The following BTNL3 variants were observed in gnomAD, a reference collection of about 807,000 sequenced individuals.
The protein encoded by BTNL3 is butyrophilin-like protein 3.
A neutral mutation model predicts 40.1 loss-of-function variants in BTNL3; 20 were observed. The observed-to-expected ratio is 0.50, with a 90% CI of 0.35 to 0.72. The LOEUF is 0.72. Among genes scored for constraint, BTNL3 ranks in the 30% least tolerant of loss-of-function variants. BTNL3 has a pLI of 0.01. For synonymous variants in BTNL3, 179 were observed against 222.1 expected, an observed-to-expected ratio of 0.81 and a Z score of 1.73; for missense variants, 449 against 582.2, an observed-to-expected ratio of 0.77 and a Z score of 2.35.
rs1435601214 is a variant in BTNL3 at position 180,997,136 on chromosome 5, G to T, written c.398-77G>T. The T allele has an allele frequency of 6.9e-6, 10 of 1,449,724 alleles. 3 individuals are homozygous for T. Among genetic ancestry groups the T allele is most frequent in the Non-Finnish European group, 9.5e-6 (10 of 1,051,810 alleles). The allele number at this position is 1,449,724 out of a possible 1,614,324, so 89.8% of individuals were successfully genotyped here. ...GGATGTATGTGTGTTATGGGTACAG[G>T]CTTGATGAACCAGACTCAAAATGCT... On this transcript the variant is annotated intron_variant, in intron 2 of 7. Coordinates refer to ENST00000342868, the MANE Select transcript of BTNL3 (RefSeq NM_197975.3).
rs111323993 is a variant in BTNL3, at chr5:181,004,009, A to C, written c.808+133A>C. ...GGCAGGTGGAGGGGAGCAGCTGCTC[A>C]CTCTCTCCATCCACTGCTCATGAGT... On this transcript the variant is annotated intron_variant, in intron 5 of 7. Coordinates refer to ENST00000342868, the MANE Select transcript of BTNL3 (RefSeq NM_197975.3). The C allele has an allele frequency of 5.7e-6, 8 of 1,403,940 alleles. 1 individual carries two copies. The highest frequency in any genetic ancestry group is 7.9e-6 in the Non-Finnish European group (8 of 1,009,086). 87.0% of individuals were successfully genotyped at this position (1,403,940 alleles called of 1,614,324 possible). A position where few individuals can be genotyped will look rare whatever the true frequency, so the allele number is the denominator to read the frequency against.
rs985605546 is a variant in BTNL3, at chr5:180,999,321, G to C, written c.673+1833G>C. On this transcript the variant is annotated intron_variant, in intron 3 of 7. Transcript: ENST00000342868. ...TACATCTAAAGTTAGACGGTTCGAA[G>C]TGTTATTAAAATAGATAAACTGGCA... Among the ~76,000 whole-genome samples the C allele has an allele frequency of 7.3e-5, 10 of 136,454 alleles. 2 individuals are homozygous for C. In the South Asian group the frequency reaches 1.1e-3, roughly 15 times the overall value. 89.5% of individuals were successfully genotyped at this position (136,454 alleles called of 152,430 possible).
Position 181,006,141 on chromosome 5 carries a change from A to T in BTNL3, c.*269A>T. On this transcript the variant is annotated 3_prime_UTR_variant, in exon 8 of 8. Coordinates refer to ENST00000342868, the MANE Select transcript of BTNL3 (RefSeq NM_197975.3). ...AGTGGGGACGGAATAGACTCACATT[A>T]GGTTTAGTTTGTGAAAACTCCATCC... 1 of 445,606 alleles carries T rather than the reference A, an allele frequency of 2.2e-6. No homozygotes were observed. The allele number at this position is 445,606 out of a possible 1,614,324, so 27.6% of individuals were successfully genotyped here.
chr5:181,001,500 T>TC lies in BTNL3; in HGVS notation c.674-1172_674-1171insC, dbSNP rs566492732. On this transcript the variant is annotated intron_variant, in intron 3 of 7. Transcript: ENST00000342868. ...TTTTAATTTTAAATATTTTTATAGA[T>TC]GGGGGGGGGTCTCACTTTGTTGCCT... Among the ~76,000 whole-genome samples the TC allele has an allele frequency of 3.3e-4, 38 of 116,328 alleles. 8 individuals are homozygous for TC. The highest frequency in any genetic ancestry group is 1.0e-3 in the African/African-American group (34 of 33,168). 76.3% of individuals were successfully genotyped at this position (116,328 alleles called of 152,430 possible). A position where few individuals can be genotyped will look rare whatever the true frequency, so the allele number is the denominator to read the frequency against.
chr5:180,989,324 ATGGGAGCAGGCCC>A (rs1359347227), intron 1 of BTNL3, among the ~76,000 whole-genome samples: 1 of 136,576 alleles, frequency 7.3e-6, no homozygotes, highest in African/African-American at 2.5e-5. Context: ...GCTCAGAATA[ATGGGAGCAGGCCC>A]TGGGAGCAGG....
chr5:181,005,978 C>A lies in BTNL3; in HGVS notation c.*106C>A. 1.6e-6 allele frequency: 2 copies of A among 1,250,136 alleles called. No individual in the cohort carries two copies. The highest frequency in any genetic ancestry group is 2.2e-6 in the Non-Finnish European group (2 of 919,020). The allele number at this position is 1,250,136 out of a possible 1,614,324, so 77.4% of individuals were successfully genotyped here. On this transcript the variant is annotated 3_prime_UTR_variant, in exon 8 of 8. Transcript: ENST00000342868. ...CAGCTTCCTCTCCGGAGCCTGCGCA[C>A]AGAGAGTCACGCCCCCCACTCTCCT...
At chr5:180,989,178 G>A (rs1217913002) in intron 1 of BTNL3, 101 bp downstream of exon 1, 2 of 1,260,350 alleles carry the variant, frequency 1.6e-6, no homozygotes, top group African/African-American at 3.0e-5. Context: ...AGGAATCTTT[G>A]GTGCTTGCAT....
chr5:181,002,521 C>G lies in BTNL3; in HGVS notation c.674-151C>G, dbSNP rs189624529. ...ATATATATATGAAATCCGGATGGAT[C>G]AAGATGTTTATAGAAATGCAAAGCT... On this transcript the variant is annotated intron_variant, in intron 3 of 7. Transcript: ENST00000342868. 1.8e-4 allele frequency: 67 copies of G among 376,826 alleles called. 3 individuals carry two copies. The highest frequency in any genetic ancestry group is 1.6e-3 in the African/African-American group (64 of 39,758). 23.3% of individuals were successfully genotyped at this position (376,826 alleles called of 1,614,324 possible).
Position 180,990,806 on chromosome 5 carries a change from G to A in BTNL3, c.49+1729G>A, listed in dbSNP as rs368483845. Among the ~76,000 whole-genome samples, 8 of 136,704 alleles carry A rather than the reference G, an allele frequency of 5.9e-5. 1 individual carries two copies. In the East Asian group the frequency reaches 8.7e-4, roughly 15 times the overall value. 89.7% of individuals were successfully genotyped at this position (136,704 alleles called of 152,430 possible). A position where few individuals can be genotyped will look rare whatever the true frequency, so the allele number is the denominator to read the frequency against. On this transcript the variant is annotated intron_variant, in intron 1 of 7. Coordinates refer to ENST00000342868, the MANE Select transcript of BTNL3 (RefSeq NM_197975.3). ...ACAGGGTGCAGAGAGTGAAGCCAGC[G>A]GGAGGTAAGCCATAGAGGGTGCGCT...
At chr5:180,991,679 A>G (rs1004886209) in intron 1 of BTNL3, among the ~76,000 whole-genome samples, 3 of 137,136 alleles carry the variant, frequency 2.2e-5, no homozygotes, top group African/African-American at 7.5e-5. Flanking sequence ...GGAAACACAC[A>G]CACTCTGTCC....
intron 3 of BTNL3, among the ~76,000 whole-genome samples, chr5:181,000,840 T>A (rs891196475): frequency 5.9e-5 from 8 of 134,804 alleles, no homozygotes; most frequent in South Asian, 2.2e-4. Context: ...AATAAAAAAA[T>A]AAAATAAAAT....
intron 2 of BTNL3, among the ~76,000 whole-genome samples, chr5:180,995,823 C>T (rs1760028982): frequency 7.4e-6 from 1 of 135,470 alleles, no homozygotes; most frequent in South Asian, 2.2e-4. Context: ...GGATGCTCAG[C>T]TGCTGTGTTT....
chr5:180,992,955 C>T lies in BTNL3; in HGVS notation c.192C>T (p.Val64=). 1.4e-6 allele frequency: 2 copies of T among 1,462,630 alleles called. 1 individual carries two copies. Among genetic ancestry groups the T allele is most frequent in the Non-Finnish European group, 1.9e-6 (2 of 1,058,628 alleles). The allele number at this position is 1,462,630 out of a possible 1,614,324, so 90.6% of individuals were successfully genotyped here. A position where few individuals can be genotyped will look rare whatever the true frequency, so the allele number is the denominator to read the frequency against. Residue 64 remains valine (V), a synonymous_variant, in exon 2 of 8, where the codon GTC becomes GTT. Transcript: ENST00000342868. ...TCAGGAATCAGTTCCATGCTGTGGT[C>T]CACCTCTACAGAGATGGGGAAGACT... ...RFFRNQFHAV[V]HLYRDGEDWE...
rs1760227491 is a variant in BTNL3 at position 181,006,122 on chromosome 5, G to C, written c.*250G>C. 2 of 484,924 alleles carry C rather than the reference G, an allele frequency of 4.1e-6. No individual in the cohort carries two copies. The highest frequency in any genetic ancestry group is 5.2e-5 in the South Asian group (1 of 19,320). The allele number at this position is 484,924 out of a possible 1,614,324, so 30.0% of individuals were successfully genotyped here. On this transcript the variant is annotated 3_prime_UTR_variant, in exon 8 of 8. Coordinates refer to ENST00000342868, the MANE Select transcript of BTNL3 (RefSeq NM_197975.3). Reference sequence around the variant, plus strand: ...GAAGCCATGGCTGCCCTGAAGTGGGGACGGAATAGACTCACATTAGGTTTA... The same window carrying C: ...GAAGCCATGGCTGCCCTGAAGTGGGCACGGAATAGACTCACATTAGGTTTA...
chr5:181,004,836 G>A, intron 7 of BTNL3, 74 bp downstream of exon 7: 14 of 1,613,674 alleles, frequency 8.7e-6, no homozygotes, highest in Non-Finnish European at 1.2e-5. Flanking sequence ...AGCCCATCCA[G>A]CTTGTAGACA....
rs772421964 is a variant in BTNL3 at position 180,992,843 on chromosome 5, T to C, written c.80T>C (p.Phe27Ser). The C allele has an allele frequency of 6.8e-7, 1 of 1,463,108 alleles. No homozygotes were observed. Among genetic ancestry groups the C allele is most frequent in the South Asian group, 1.1e-5 (1 of 89,284 alleles). The allele number at this position is 1,463,108 out of a possible 1,614,324, so 90.6% of individuals were successfully genotyped here. A position where few individuals can be genotyped will look rare whatever the true frequency, so the allele number is the denominator to read the frequency against. ...GQWQVTGPGKFVQALVGEDAV... is the reference protein window; with the variant it reads ...GQWQVTGPGKSVQALVGEDAV... ...TGGCAAGTCACTGGACCGGGCAAGT[T>C]TGTCCAGGCCTTGGTGGGGGAGGAC... Residue 27 changes from phenylalanine to serine, a missense_variant, in exon 2 of 8, where the codon TTT becomes TCT. Physicochemically the swap from Phe to Ser is radical, Grantham distance 155 (BLOSUM62 -2). Coordinates refer to ENST00000342868, the MANE Select transcript of BTNL3 (RefSeq NM_197975.3).
chr5:180,997,329 G>A lies in BTNL3; in HGVS notation c.514G>A (p.Gly172Arg). 2 of 1,464,706 alleles carry A rather than the reference G, an allele frequency of 1.4e-6. 1 individual carries two copies. The highest frequency in any genetic ancestry group is 1.9e-6 in the Non-Finnish European group (2 of 1,059,462). The allele number at this position is 1,464,706 out of a possible 1,614,324, so 90.7% of individuals were successfully genotyped here. The change falls in exon 3 of 8, where the codon GGA becomes AGA. Residue 172 changes from glycine (G) to arginine (R), a missense_variant. Around this residue, in one of 2 missense-constraint regions of BTNL3, gnomAD observed 323 missense variants for 464.9 expected, o/e 0.69. Transcript: ENST00000342868. ...QPTAKWKGPQ[G>R]QDLSSDSRAN... is the part of the protein sequence containing the mutation. ...CACAGCCAAGTGGAAAGGTCCACAA[G>A]GACAGGATTTGTCTTCAGACTCCAG...
At chr5:180,999,607 C>T (rs1760079209) in intron 3 of BTNL3, among the ~76,000 whole-genome samples, 1 of 136,392 alleles carries the variant, frequency 7.3e-6, no homozygotes, top group African/African-American at 2.5e-5. Flanking sequence ...TGAGACCAGC[C>T]TGCCCAACAT....
At chr5:181,004,080 G>C in intron 5 of BTNL3, 1 of 1,444,538 alleles carries the variant, frequency 6.9e-7, no homozygotes, top group South Asian at 1.3e-5. Context: ...CCGGGGCCTG[G>C]AAGTCCCCAC....
Sources: gnomAD v4.1 joint callset for allele counts (sites outside exome capture counted in the v4.1 genomes callset) on GRCh38, gnomAD v4.1.1 for gene constraint, gnomAD v4.1.1 regional missense constraint, MANE v1.5 for transcripts, NCBI Gene and HGNC (gene_info 2026-07-23, HGNC 2026-07-21) for gene names.